Variants in RBM18 observed in about 807,000 individuals in gnomAD.
RBM18 encodes the protein RNA binding motif protein 18.
A neutral mutation model predicts 26.4 loss-of-function variants in RBM18; 18 were observed. The ratio of observed to expected loss-of-function variants is 0.68; its 90% CI spans 0.47 to 1.01. The LOEUF is 1.01. Ranked by LOEUF, RBM18 falls within the 50% of genes least tolerant of loss-of-function variation. The pLI is 0.00. For missense variants in RBM18, 180 were observed against 219.2 expected (o/e 0.82, Z 1.13); for synonymous variants, 74 against 81.1 (o/e 0.91, Z 0.47).
At chr9:122,253,742 T>C (rs1656007209) in intron 2 of RBM18, among the ~76,000 whole-genome samples, 1 of 148,380 alleles carries the variant, frequency 6.7e-6, no homozygotes, top group Admixed American at 6.7e-5. Flanking sequence ...AAAAAAAATC[T>C]AGGCCAGGCG....
intron 2 of RBM18, among the ~76,000 whole-genome samples, 164 bp from the exon 3 acceptor site, chr9:122,252,137 AGTT>A (rs1294536200): frequency 6.6e-6 from 1 of 152,174 alleles, no homozygotes; most frequent in African/African-American, 2.4e-5. Context: ...TGGCAAACAG[AGTT>A]GTTTGCCTCT....
intron 2 of RBM18, among the ~76,000 whole-genome samples, chr9:122,253,372 G>A (rs768735536): frequency 6.6e-6 from 1 of 152,180 alleles, no homozygotes; most frequent in Non-Finnish European, 1.5e-5. Flanking sequence ...TGGGACAAAT[G>A]CAAGGATCCC....
At chr9:122,254,351 T>C (rs1831654473) in intron 2 of RBM18, 1 of 932,416 alleles carries the variant, frequency 1.1e-6, no homozygotes, top group African/African-American at 1.8e-5. Flanking sequence ...TGATAATTTC[T>C]TAAAATTATC....
chr9:122,254,409 G>A, intron 2 of RBM18: 1 of 467,978 alleles, frequency 2.1e-6, no homozygotes, highest in Non-Finnish European at 2.8e-6. Context: ...TTGCTTCCTG[G>A]AGATGGGGAC....
intron 5 of RBM18, chr9:122,243,923 T>C (rs930801365): frequency 1.5e-5 from 14 of 949,848 alleles, no homozygotes; most frequent in Middle Eastern, 5.3e-4. Flanking sequence ...AAGTGGCATA[T>C]ACAAATCATA....
At chr9:122,246,059 T>C (rs1003712879) in intron 4 of RBM18, among the ~76,000 whole-genome samples, 6 of 152,222 alleles carry the variant, frequency 3.9e-5, no homozygotes, top group African/African-American at 1.4e-4. Context: ...TTAACAGGCC[T>C]GAGTGAAGAA....
At chr9:122,248,401 C>T (rs1390812313) in intron 3 of RBM18, among the ~76,000 whole-genome samples, 2 of 152,100 alleles carry the variant, frequency 1.3e-5, no homozygotes, top group Non-Finnish European at 2.9e-5. Context: ...ACTGTACTCC[C>T]CGCAAGGGCC....
intron 2 of RBM18, among the ~76,000 whole-genome samples, chr9:122,258,822 C>T (rs569938268): frequency 6.7e-6 from 1 of 148,406 alleles, no homozygotes; most frequent in African/African-American, 2.5e-5. Flanking sequence ...TGGTGGCGAG[C>T]ACCTGTAGTC....
rs556555791 is a variant in RBM18 at position 122,263,670 on chromosome 9, C to T, written c.-17+1045G>A. ...GCAGGGTGATGTGACAGGGACTCGA[C>T]GACTATAGATTGAGTGGAGGGAAGG... On this transcript the variant is annotated intron_variant, in intron 1 of 5. Transcript: ENST00000417201. Among the ~76,000 whole-genome samples the T allele has an allele frequency of 3.4e-4, 52 of 152,186 alleles. No individual in the cohort carries two copies. The South Asian group carries it at 5.8e-3, about 17-fold the overall frequency.
At chr9:122,252,897 T>C (rs1227033581) in intron 2 of RBM18, among the ~76,000 whole-genome samples, 3 of 152,244 alleles carry the variant, frequency 2.0e-5, no homozygotes, top group Non-Finnish European at 2.9e-5. Flanking sequence ...TTCAAACAGA[T>C]GTGGCCTTAA....
At chr9:122,262,984 C>G (rs1456215698) in intron 1 of RBM18, among the ~76,000 whole-genome samples, 2 of 152,076 alleles carry the variant, frequency 1.3e-5, no homozygotes, top group African/African-American at 4.8e-5. Flanking sequence ...CTTCGAGGAC[C>G]AAAAATGAGA....
chr9:122,257,526 G>A (rs927630255), intron 2 of RBM18, among the ~76,000 whole-genome samples: 5 of 152,088 alleles, frequency 3.3e-5, no homozygotes, highest in African/African-American at 9.7e-5. Flanking sequence ...AGTCATAAAC[G>A]CATATTCTGT....
Position 122,239,804 on chromosome 9 carries a change from A to G in RBM18, c.*2080T>C, listed in dbSNP as rs1331812456. The G allele has an allele frequency of 6.6e-6, 1 of 152,210 alleles. No individual in the cohort carries two copies. Among genetic ancestry groups the G allele is most frequent in the Non-Finnish European group, 1.5e-5 (1 of 68,044 alleles). 9.4% of individuals were successfully genotyped at this position (152,210 alleles called of 1,614,324 possible). A position where few individuals can be genotyped will look rare whatever the true frequency, so the allele number is the denominator to read the frequency against. On this transcript the variant is annotated 3_prime_UTR_variant, in exon 6 of 6. Transcript: ENST00000417201. ...ATGGAAACAGCTGGTCTCTATTCTC[A>G]TCTCTAACAACAGAGGTAGGCAGGC...
chr9:122,241,752 C>T lies in RBM18; in HGVS notation c.*132G>A. ...AAACATCCATAAGAACATCCAAAAA[C>T]ATTATGTTACCAAATGCTAACATGT... On this transcript the variant is annotated 3_prime_UTR_variant, in exon 6 of 6. Transcript: ENST00000417201. 1 of 738,608 alleles carries T rather than the reference C, an allele frequency of 1.4e-6. No individual in the cohort carries two copies. Among genetic ancestry groups the T allele is most frequent in the Non-Finnish European group, 2.2e-6 (1 of 452,670 alleles). The allele number at this position is 738,608 out of a possible 1,614,324, so 45.8% of individuals were successfully genotyped here.
At chr9:122,243,505 G>A (rs769778622) in intron 5 of RBM18, among the ~76,000 whole-genome samples, 3 of 152,134 alleles carry the variant, frequency 2.0e-5, no homozygotes, top group Non-Finnish European at 2.9e-5. Context: ...AAGTTGCGAG[G>A]AATTTGCTTT....
chr9:122,247,888 G>C (rs985573678), intron 3 of RBM18, among the ~76,000 whole-genome samples: 1 of 150,418 alleles, frequency 6.6e-6, no homozygotes, highest in East Asian at 2.0e-4. Flanking sequence ...AGGTTCAAGC[G>C]CTTCCCCTGC....
intron 2 of RBM18, among the ~76,000 whole-genome samples, chr9:122,252,930 A>G (rs1481515312): frequency 3.3e-5 from 5 of 152,172 alleles, no homozygotes; most frequent in African/African-American, 4.8e-5. Flanking sequence ...GCCAATCTCA[A>G]TTCCGACTTC....
rs890844401 is a variant in RBM18 at position 122,241,565 on chromosome 9, T to C, written c.*319A>G. The C allele has an allele frequency of 5.3e-5, 11 of 206,626 alleles. No individual in the cohort carries two copies. The East Asian group carries it at 1.0e-3, about 19-fold the overall frequency. 12.8% of individuals were successfully genotyped at this position (206,626 alleles called of 1,614,324 possible). ...TTTTAGTTTCCTGATTTAAATAATATTTTGTGTATTTGCCTTTTGCTCTGG... is the reference window on the plus strand; with the variant it reads ...TTTTAGTTTCCTGATTTAAATAATACTTTGTGTATTTGCCTTTTGCTCTGG... On this transcript the variant is annotated 3_prime_UTR_variant, in exon 6 of 6. Transcript: ENST00000417201.
chr9:122,263,081 T>C (rs895001843), intron 1 of RBM18, among the ~76,000 whole-genome samples: 8 of 152,152 alleles, frequency 5.3e-5, no homozygotes, highest in Non-Finnish European at 1.0e-4. Flanking sequence ...ACACATATCC[T>C]ATACCCAGAA....
Sources: gnomAD v4.1 joint callset for allele counts (sites outside exome capture counted in the v4.1 genomes callset) on GRCh38, gnomAD v4.1.1 for gene constraint, MANE v1.5 for transcripts, NCBI Gene and HGNC (gene_info 2026-07-23, HGNC 2026-07-21) for gene names.